DIP2C: variants seen among roughly 807,000 people sequenced by gnomAD.
The protein encoded by DIP2C is disco-interacting protein 2 homolog C.
A neutral mutation model predicts 192.4 loss-of-function variants in DIP2C; 33 were observed. That is an observed-to-expected ratio of 0.17 (90% CI 0.13 to 0.23). DIP2C has a LOEUF of 0.23. DIP2C is among the 10% of genes least tolerant of loss of function. The pLI, the probability that DIP2C is intolerant of heterozygous loss-of-function variation, is 1.00. For missense variants in DIP2C, 1,537 were observed against 2,110.1 expected, an observed-to-expected ratio of 0.73 and a Z score of 5.32; for synonymous variants, 979 against 864.1, an observed-to-expected ratio of 1.13 and a Z score of -2.33.
At position 585,487 on chromosome 10, in the gene DIP2C, T is replaced by C. The variant is rs537337002; in HGVS notation, c.86-98957A>G. On this transcript the variant is annotated intron_variant, in intron 1 of 36. Transcript: ENST00000280886. ...TAATTCTATAAAACCGGGAAATCCGTCTCACCTGGCTCCAGGATCACGGCC... is the reference window on the plus strand; with the variant it reads ...TAATTCTATAAAACCGGGAAATCCGCCTCACCTGGCTCCAGGATCACGGCC... Among the ~76,000 whole-genome samples, 18 of 152,330 alleles carry C rather than the reference T, an allele frequency of 1.2e-4. No individual in the cohort carries two copies. In the South Asian group the frequency reaches 1.7e-3, roughly 14 times the overall value.
chr10:508,120 T>C (rs568812250), intron 1 of DIP2C, among the ~76,000 whole-genome samples: 39 of 137,042 alleles, frequency 2.8e-4, no homozygotes, highest in Middle Eastern at 7.9e-3. Context: ...AACGCCTTCC[T>C]CCCTCACGCC....
chr10:436,294 G>C (rs917829850), intron 4 of DIP2C, among the ~76,000 whole-genome samples: 1 of 152,244 alleles, frequency 6.6e-6, no homozygotes, highest in African/African-American at 2.4e-5. Context: ...GCACGCTCAG[G>C]ATCCCATAAG....
intron 3 of DIP2C, among the ~76,000 whole-genome samples, chr10:455,324 G>T (rs560386628): frequency 7.1e-6 from 1 of 141,766 alleles, no homozygotes; most frequent in African/African-American, 2.5e-5. Context: ...TGCCTGAGGG[G>T]AGACCGTGAG....
intron 1 of DIP2C, among the ~76,000 whole-genome samples, chr10:514,973 C>T (rs925010066): frequency 5.9e-5 from 9 of 152,180 alleles, no homozygotes; most frequent in Non-Finnish European, 1.2e-4. Flanking sequence ...TTTATACAAG[C>T]TAAAAACAAT....
chr10:371,300 G>T (rs559192148), intron 17 of DIP2C, among the ~76,000 whole-genome samples: 14 of 152,252 alleles, frequency 9.2e-5, no homozygotes, highest in African/African-American at 2.9e-4. Context: ...CCCCGCAAAA[G>T]ATCACCCCTT....
intron 1 of DIP2C, among the ~76,000 whole-genome samples, chr10:678,645 C>A (rs1830965199): frequency 1.4e-5 from 1 of 73,690 alleles, no homozygotes; most frequent in Non-Finnish European, 3.2e-5. Flanking sequence ...GTCCATGCTC[C>A]CCGCACCTGT....
At chr10:522,108 T>TG (rs1846748202) in intron 1 of DIP2C, among the ~76,000 whole-genome samples, 1 of 139,606 alleles carries the variant, frequency 7.2e-6, no homozygotes, top group Non-Finnish European at 1.5e-5. Context: ...CCCCAACCCC[T>TG]GGCAGCTGCT....
chr10:534,915 A>T (rs1412814016), intron 1 of DIP2C, among the ~76,000 whole-genome samples: 1 of 151,864 alleles, frequency 6.6e-6, no homozygotes, highest in Non-Finnish European at 1.5e-5. Flanking sequence ...TGACCTCATG[A>T]TCCACCCGCC....
chr10:595,893 G>T (rs1479076040), intron 1 of DIP2C, among the ~76,000 whole-genome samples: 2 of 152,184 alleles, frequency 1.3e-5, no homozygotes, highest in Non-Finnish European at 2.9e-5. Flanking sequence ...CTTGATAAAG[G>T]GATGGTTAAC....
intron 8 of DIP2C, among the ~76,000 whole-genome samples, chr10:413,282 A>T (rs1013686529): frequency 6.6e-6 from 1 of 152,220 alleles, no homozygotes; most frequent in Non-Finnish European, 1.5e-5. Flanking sequence ...GACTGTATTA[A>T]TTGTACTGAA....
intron 34 of DIP2C, among the ~76,000 whole-genome samples, chr10:286,069 A>C (rs564133094): frequency 7.9e-5 from 12 of 152,368 alleles, no homozygotes; most frequent in Admixed American, 3.9e-4. Flanking sequence ...TCCCTAAGGA[A>C]GTGCCATTTT....
In DIP2C at chr10:356,513, C is replaced by A; in HGVS notation, c.2905-7G>T. On this transcript the variant is annotated splice_polypyrimidine_tract_variant and splice_region_variant and intron_variant, in intron 23 of 36. Coordinates refer to ENST00000280886, the MANE Select transcript of DIP2C (RefSeq NM_014974.3). ...CCTCTGAGAGGAACAGGAACTGGAA[C>A]AGAGCACGGGCATGAGGATCAGGCT... The A allele has an allele frequency of 1.2e-6, 2 of 1,609,932 alleles. No homozygotes were observed. Among genetic ancestry groups the A allele is most frequent in the Non-Finnish European group, 1.7e-6 (2 of 1,178,302 alleles).
chr10:548,150 A>G (rs1019484767), intron 1 of DIP2C, among the ~76,000 whole-genome samples: 10 of 147,888 alleles, frequency 6.8e-5, no homozygotes, highest in African/African-American at 2.5e-4. Flanking sequence ...GCCCCAGTGC[A>G]CCTAAAACAA....
At chr10:393,778 C>CAAAAAAAA (rs34390976) in intron 10 of DIP2C, among the ~76,000 whole-genome samples, 1 of 66,572 alleles carries the variant, frequency 1.5e-5, no homozygotes, top group African/African-American at 6.3e-5. Flanking sequence ...GACTCCGTCT[C>CAAAAAAAA]AAAAAAAAAA....
intron 1 of DIP2C, among the ~76,000 whole-genome samples, chr10:558,302 C>A (rs1002086873): frequency 1.3e-5 from 2 of 152,166 alleles, no homozygotes; most frequent in African/African-American, 4.8e-5. Context: ...GTCTCCAAAC[C>A]CACCTCCCGC....
intron 2 of DIP2C, chr10:484,709 G>A (rs1169031172): frequency 3.9e-6 from 6 of 1,532,102 alleles, no homozygotes; most frequent in Admixed American, 2.0e-5. Flanking sequence ...TGTACGGGAT[G>A]GCACTCGGCG....
chr10:485,806 C>T (rs1001052645), intron 2 of DIP2C, among the ~76,000 whole-genome samples: 5 of 152,208 alleles, frequency 3.3e-5, no homozygotes. Flanking sequence ...ATTCCTCAAG[C>T]CTACCAAATT....
chr10:398,562 G>A (rs1011705900), intron 10 of DIP2C, among the ~76,000 whole-genome samples: 1 of 152,232 alleles, frequency 6.6e-6, no homozygotes, highest in African/African-American at 2.4e-5. Flanking sequence ...TCCTGAGGCT[G>A]TGGCATGGCC....
intron 1 of DIP2C, among the ~76,000 whole-genome samples, chr10:551,473 G>A (rs1280404103): frequency 6.6e-6 from 1 of 151,420 alleles, no homozygotes; most frequent in Admixed American, 6.5e-5. Flanking sequence ...ACCTAGCAAG[G>A]GAAAGCAGCT....
Sources: allele counts gnomAD v4.1 joint callset (sites outside exome capture counted in the v4.1 genomes callset), GRCh38; gene constraint gnomAD v4.1.1; transcripts MANE v1.5; gene names NCBI Gene and HGNC (gene_info 2026-07-23, HGNC 2026-07-21).